The following TRRAP variants were observed in gnomAD, a reference collection of about 807,000 sequenced individuals.
TRRAP encodes transformation/transcription domain-associated protein.
Under a neutral mutation model 438.8 loss-of-function variants are expected in TRRAP, and 41 were observed. The observed-to-expected ratio is 0.09, with a 90% confidence interval of 0.07 to 0.12. The LOEUF is 0.12. Among genes scored for constraint, TRRAP ranks in the 10% least tolerant of loss-of-function variants. The pLI is 1.00. For missense variants in TRRAP, 3,122 were observed against 5,055.1 expected (o/e 0.62, Z 11.60); for synonymous variants, 1,994 against 1,962.9 (o/e 1.02, Z -0.42).
rs1415839896 is a variant in TRRAP, at chr7:99,011,480, C to T, written c.11282C>T (p.Pro3761Leu). Residue 3761 changes from proline (P) to leucine (L), a missense_variant, in exon 72 of 73, where the codon CCG (proline) becomes CTG (leucine). Pro to Leu is a moderately conservative substitution (Grantham distance 98). This residue lies in a region of TRRAP where 192 missense variants were observed against 355.6 expected (regional missense o/e 0.54). Transcript: ENST00000456197. This position sits in a 1 kb window ranked among gnomAD's most constrained non-coding sequence, Gnocchi z 7.1. ...CTGACCACCATCGGGGTCTCCGGCC[C>T]GTTGACAGCGTCCATGATTGCGGTC... is the stretch of plus-strand genomic sequence containing the variant. ...EFLTTIGVSG[P>L]LTASMIAVAR... 5 of 1,614,274 alleles carry T rather than the reference C, an allele frequency of 3.1e-6. No homozygotes were observed. The highest frequency in any genetic ancestry group is 4.5e-5 in the East Asian group (2 of 44,882).
At chr7:98,961,996 AT>A (rs1791914012) in intron 46 of TRRAP, among the ~76,000 whole-genome samples, 1 of 152,202 alleles carries the variant, frequency 6.6e-6, no homozygotes, top group African/African-American at 2.4e-5. Context: ...GTTGAATATT[AT>A]TTTTTTAAGC....
rs1554409730 is a variant in TRRAP at position 98,917,693 on chromosome 7, G to T, written c.2622+14G>T. 1 of 1,610,482 alleles carries T rather than the reference G, an allele frequency of 6.2e-7. No individual in the cohort carries two copies. The highest frequency in any genetic ancestry group is 1.1e-5 in the South Asian group (1 of 90,960). ...GAGCTCATGCAGGTAGGATTTTAGT[G>T]AGGTTGTTAGCTGGCTGCTTCCCTG... On this transcript the variant is annotated intron_variant, in intron 20 of 72. Transcript: ENST00000456197.
At chr7:98,967,301 C>T (rs1463491073) in intron 50 of TRRAP, 139 bp downstream of exon 50, 1 of 1,340,636 alleles carries the variant, frequency 7.5e-7, no homozygotes, top group Non-Finnish European at 1.0e-6. Flanking sequence ...ATTGTGTGAC[C>T]TACTTTGGTG....
intron 56 of TRRAP, 56 bp from the exon 57 acceptor site, chr7:98,978,155 A>G: frequency 6.9e-7 from 1 of 1,451,786 alleles, no homozygotes; most frequent in South Asian, 1.2e-5. Flanking sequence ...ATTTAAAAAG[A>G]AAGAAAAGGT....
intron 38 of TRRAP, among the ~76,000 whole-genome samples, 162 bp downstream of exon 38, chr7:98,950,424 C>T (rs1273849353): frequency 6.6e-6 from 1 of 152,110 alleles, no homozygotes; most frequent in African/African-American, 2.4e-5. Flanking sequence ...CAGGAGGCCA[C>T]AGCGGGAGGA....
In TRRAP at chr7:98,927,150, C is replaced by T. The variant is rs1790086932; in HGVS notation, c.2976-17C>T. 1 of 1,614,054 alleles carries T rather than the reference C, an allele frequency of 6.2e-7. No homozygotes were observed. Among genetic ancestry groups the T allele is most frequent in the African/African-American group, 1.3e-5 (1 of 74,926 alleles). On this transcript the variant is annotated splice_polypyrimidine_tract_variant and intron_variant, in intron 22 of 72. Transcript: ENST00000456197. ...GGAGTTGGGTGTCGTGACACCAGAT[C>T]TGATTTTGCCTTTCAGCTTTACAGA...
intron 1 of TRRAP, among the ~76,000 whole-genome samples, chr7:98,879,423 G>A (rs1272715451): frequency 6.6e-6 from 1 of 152,012 alleles, no homozygotes; most frequent in African/African-American, 2.4e-5. Context: ...ATGGGGATGG[G>A]CAGGGAGAGG....
Position 99,008,387 on chromosome 7 carries a change from T to C in TRRAP, c.10764T>C (p.Val3588=), listed in dbSNP as rs1794288900. 6.2e-7 allele frequency: 1 copy of C among 1,614,050 alleles called. No individual in the cohort carries two copies. Among genetic ancestry groups the C allele is most frequent in the South Asian group, 1.1e-5 (1 of 91,096 alleles). ...TTCCTCTCTCCCCAGTGCCCCGGGTTGTGGCAGTTTCCCCACAGATGCGCC... is the reference window on the plus strand; with the variant it reads ...TTCCTCTCTCCCCAGTGCCCCGGGTCGTGGCAGTTTCCCCACAGATGCGCC... The part of the protein sequence containing the change: ...KRHLFFTVPR[V]VAVSPQMRLV... Residue 3588 remains valine, a synonymous_variant, in exon 70 of 73, where the codon GTT becomes GTC. Coordinates refer to ENST00000456197, the MANE Select transcript of TRRAP (RefSeq NM_001375524.1).
chr7:98,889,222 A>ATGGAGATAATACCTATCT (rs1338082410), intron 3 of TRRAP, among the ~76,000 whole-genome samples: 1 of 151,940 alleles, frequency 6.6e-6, no homozygotes, highest in African/African-American at 2.4e-5. Flanking sequence ...TATCTGTGAA[A>ATGGAGATAATACCTATCT]TGGAGATAAT....
Position 98,906,262 on chromosome 7 carries a change from G to C in TRRAP, c.1115+7G>C. ...CTGCCAGAGAGACTCTAAGGTATGA[G>C]ATTAAACCAGTGATATCTGGTTGGT... On this transcript the variant is annotated splice_region_variant and intron_variant, in intron 13 of 72. Transcript: ENST00000456197. The C allele has an allele frequency of 1.9e-6, 3 of 1,612,422 alleles. No individual in the cohort carries two copies. The highest frequency in any genetic ancestry group is 2.5e-6 in the Non-Finnish European group (3 of 1,178,862).
chr7:98,917,618 A>G lies in TRRAP; in HGVS notation c.2561A>G (p.Asp854Gly), dbSNP rs1554409717. 1 of 1,614,062 alleles carries G rather than the reference A, an allele frequency of 6.2e-7. No individual in the cohort carries two copies. The highest frequency in any genetic ancestry group is 8.5e-7 in the Non-Finnish European group (1 of 1,180,056). ...QGLRTLELCV[D>G]NLQPDFLYDH... ...CTCAGGACGCTGGAGCTGTGTGTGG[A>G]CAACCTGCAGCCCGACTTCCTCTAC... The change falls in exon 20 of 73, where the codon GAC becomes GGC. Residue 854 changes from aspartate (D) to glycine (G), a missense_variant. Coordinates refer to ENST00000456197, the MANE Select transcript of TRRAP (RefSeq NM_001375524.1).
At chr7:98,935,521 A>C (rs571755643) in intron 27 of TRRAP, 58 bp from the exon 28 acceptor site, 2 of 1,475,684 alleles carry the variant, frequency 1.4e-6, no homozygotes, top group East Asian at 4.6e-5. Context: ...GTTATTTGCA[A>C]GGTTATTATG....
At chr7:98,980,050 G>A (rs1050185830) in intron 58 of TRRAP, among the ~76,000 whole-genome samples, 4 of 152,228 alleles carry the variant, frequency 2.6e-5, no homozygotes, top group Non-Finnish European at 5.9e-5. Context: ...CAGACCCTGT[G>A]ACATTGGTGC....
intron 44 of TRRAP, among the ~76,000 whole-genome samples, chr7:98,958,671 A>G (rs908220): frequency 0.9 from 137,505 of 152,154 alleles, 62,197 homozygotes; most frequent in South Asian, 0.93. Context: ...TCTAGTTGAC[A>G]GCATGTTAAC....
At chr7:98,907,391 C>T (rs1796826286) in intron 13 of TRRAP, among the ~76,000 whole-genome samples, 1 of 151,820 alleles carries the variant, frequency 6.6e-6, no homozygotes, top group South Asian at 2.1e-4. Flanking sequence ...ATCATCTTTA[C>T]ATTATAAAAT....
intron 14 of TRRAP, 38 bp from the exon 15 acceptor site, chr7:98,910,018 T>C: frequency 1.3e-6 from 2 of 1,528,430 alleles, no homozygotes; most frequent in Non-Finnish European, 8.8e-7. Flanking sequence ...TGAAGAAGAA[T>C]AATTCTGTCT....
At position 98,956,337 on chromosome 7, in the gene TRRAP, G is replaced by A. The variant is rs115511745; in HGVS notation, c.6096+33G>A. 1.4e-3 allele frequency: 2,311 copies of A among 1,613,400 alleles called. 21 individuals carry two copies. The African/African-American group carries it at 0.021, about 15-fold the overall frequency. ...TGTCAGCCTCAGGGGTGCCCCGATC[G>A]TCTTCCTTTGACTTCTCCCTAGAAA... On this transcript the variant is annotated intron_variant, in intron 42 of 72. Transcript: ENST00000456197. This position sits in a 1 kb window ranked among gnomAD's most constrained non-coding sequence, Gnocchi z 4.5.
intron 29 of TRRAP, 57 bp from the exon 30 acceptor site, chr7:98,937,593 C>T: frequency 6.7e-7 from 1 of 1,503,414 alleles, no homozygotes; most frequent in African/African-American, 1.4e-5. Flanking sequence ...GAGTTCTGTT[C>T]TATTATGAAG....
intron 53 of TRRAP, among the ~76,000 whole-genome samples, chr7:98,973,600 G>A (rs980861172): frequency 3.3e-5 from 5 of 152,150 alleles, no homozygotes; most frequent in Non-Finnish European, 7.4e-5. Context: ...CTGAAATCTC[G>A]GCAGATCTCA....
Sources: gnomAD v4.1 joint callset for allele counts (sites outside exome capture counted in the v4.1 genomes callset) on GRCh38, gnomAD v4.1.1 for gene constraint, gnomAD v4.1.1 regional missense constraint, Gnocchi (gnomAD v3.1) non-coding constraint, MANE v1.5 for transcripts, NCBI Gene and HGNC (gene_info 2026-07-23, HGNC 2026-07-21) for gene names.